Variants in PLEKHG4B observed in about 807,000 individuals in gnomAD.
PLEKHG4B encodes the protein pleckstrin homology domain-containing family G member 4B.
PLEKHG4B carries 111 observed loss-of-function variants against 121.3 expected under a neutral mutation model. That is an observed-to-expected ratio of 0.92 (90% CI 0.78 to 1.07). The LOEUF (loss-of-function observed/expected upper bound fraction) is 1.07, where lower values mean the gene tolerates loss of function less well. PLEKHG4B is among the 50% of genes least tolerant of loss of function. The pLI is 0.00. For missense variants in PLEKHG4B, 1,831 were observed against 1,757.8 expected (o/e 1.04, Z -0.74); for synonymous variants, 738 against 725.0 (o/e 1.02, Z -0.29).
At chr5:106,100 T>C (rs1733967961) in intron 1 of PLEKHG4B, among the ~76,000 whole-genome samples, 1 of 152,246 alleles carries the variant, frequency 6.6e-6, no homozygotes. Flanking sequence ...TAAGGTCATA[T>C]TCAGCATAAA....
rs960738976 is a variant in PLEKHG4B, at chr5:159,750, C to G, written c.2488-2033C>G. ...TCTAATCCCGGCCTGAAAGGAGAGC[C>G]TGGCCGTAGCTCAGTGTTCACCTGC... On this transcript the variant is annotated intron_variant, in intron 11 of 19. Transcript: ENST00000637938. The surrounding 1 kb of genome is among the most constrained non-coding windows in gnomAD (Gnocchi z 5.5). Among the ~76,000 whole-genome samples, 3 of 152,190 alleles carry G rather than the reference C, an allele frequency of 2.0e-5. No homozygotes were observed. The highest frequency in any genetic ancestry group is 4.4e-5 in the Non-Finnish European group (3 of 68,032).
rs908255062 is a variant in PLEKHG4B, at chr5:189,631, C to T, written c.*7308C>T. On this transcript the variant is annotated 3_prime_UTR_variant, in exon 20 of 20. Coordinates refer to ENST00000637938, the MANE Select transcript of PLEKHG4B (RefSeq NM_052909.5). ...AGAGCTGGGCCTGAGTCTGACCCAA[C>T]CTGTGCTGAGTGGTCCTGCTGGAAT... The T allele has an allele frequency of 6.6e-6, 1 of 152,262 alleles. No individual in the cohort carries two copies. Among genetic ancestry groups the T allele is most frequent in the African/African-American group, 2.4e-5 (1 of 41,458 alleles). The allele number at this position is 152,262 out of a possible 1,614,324, so 9.4% of individuals were successfully genotyped here.
intron 2 of PLEKHG4B, among the ~76,000 whole-genome samples, chr5:135,572 A>G (rs974489434): frequency 9.4e-5 from 14 of 148,358 alleles, no homozygotes; most frequent in Non-Finnish European, 3.0e-5. Flanking sequence ...AGGCTGAGGC[A>G]GGAGAATGGC....
At chr5:160,656 T>G (rs1451683748) in intron 11 of PLEKHG4B, among the ~76,000 whole-genome samples, 1 of 152,244 alleles carries the variant, frequency 6.6e-6, no homozygotes, top group Non-Finnish European at 1.5e-5. Flanking sequence ...TCATTTGCCC[T>G]CTAGCTTTGC....
chr5:99,245 C>T (rs1364985610), intron 1 of PLEKHG4B, among the ~76,000 whole-genome samples: 1 of 132,382 alleles, frequency 7.6e-6, no homozygotes, highest in Non-Finnish European at 1.6e-5. Context: ...CAATTCTATG[C>T]GAATTTGAGG....
chr5:148,403 AAC>A (rs1735500787), intron 6 of PLEKHG4B, among the ~76,000 whole-genome samples: 1 of 152,198 alleles, frequency 6.6e-6, no homozygotes, highest in Admixed American at 6.5e-5. Flanking sequence ...ATGCAAAGTC[AAC>A]ACACAAATAT....
At chr5:179,156 T>C (rs1437891448) in intron 18 of PLEKHG4B, among the ~76,000 whole-genome samples, 1 of 152,216 alleles carries the variant, frequency 6.6e-6, no homozygotes, top group East Asian at 1.9e-4. Flanking sequence ...CTTGGAACTT[T>C]TGGTGTTCTT....
At chr5:106,074 A>G (rs1259809005) in intron 1 of PLEKHG4B, among the ~76,000 whole-genome samples, 1 of 152,252 alleles carries the variant, frequency 6.6e-6, no homozygotes, top group East Asian at 1.9e-4. Flanking sequence ...GGAATGAACA[A>G]ACCCTTACTT....
At chr5:127,534 C>G (rs1015178936) in intron 2 of PLEKHG4B, among the ~76,000 whole-genome samples, 13 of 151,736 alleles carry the variant, frequency 8.6e-5, no homozygotes, top group Middle Eastern at 3.4e-3. Flanking sequence ...ATGTCTGGCT[C>G]ACAAAAGGGG....
Position 154,943 on chromosome 5 carries a change from C to T in PLEKHG4B, c.2061C>T (p.Leu687=), listed in dbSNP as rs141380436. 10 of 1,613,722 alleles carry T rather than the reference C, an allele frequency of 6.2e-6. No homozygotes were observed. The highest frequency in any genetic ancestry group is 3.3e-5 in the Admixed American group (2 of 60,020). Reference sequence around the variant, plus strand: ...ACAGCTGCCAGCTGACCGCAGACCTCGACGGCTCCTTTCCCTACAGCCATG... The same window carrying T: ...ACAGCTGCCAGCTGACCGCAGACCTTGACGGCTCCTTTCCCTACAGCCATG... ...FVDSCQLTAD[L]DGSFPYSHGD... The change falls in exon 8 of 20, where the codon CTC becomes CTT. Residue 687 remains leucine, a synonymous_variant. Transcript: ENST00000637938.
chr5:167,560 G>A (rs1391987427), intron 13 of PLEKHG4B, among the ~76,000 whole-genome samples: 1 of 152,190 alleles, frequency 6.6e-6, no homozygotes, highest in African/African-American at 2.4e-5. Context: ...CATTAGGGCA[G>A]GGCCCCCGGC....
intron 1 of PLEKHG4B, among the ~76,000 whole-genome samples, chr5:98,603 TTGTGTGTGTGTGTG>T (rs35724214): frequency 1.6e-3 from 178 of 111,590 alleles, no homozygotes; most frequent in African/African-American, 5.8e-3. Context: ...CCTGGCTAAT[TTGTGTGTGTGTGTG>T]TGTGTGTGTG....
chr5:115,409 T>A (rs1734276529), intron 2 of PLEKHG4B, among the ~76,000 whole-genome samples: 1 of 151,946 alleles, frequency 6.6e-6, no homozygotes, highest in African/African-American at 2.4e-5. Flanking sequence ...CCCTGGGAGG[T>A]TCAGAATGGT....
chr5:101,235 C>T (rs77366739), intron 1 of PLEKHG4B, among the ~76,000 whole-genome samples: 41 of 116,098 alleles, frequency 3.5e-4, no homozygotes, highest in African/African-American at 5.2e-4. Context: ...CATATAAAGC[C>T]CTGGAAAAAG....
At chr5:149,561 C>T (rs1026152249) in intron 6 of PLEKHG4B, among the ~76,000 whole-genome samples, 18 of 151,152 alleles carry the variant, frequency 1.2e-4, no homozygotes, top group African/African-American at 4.4e-4. Context: ...AATAAGAAGA[C>T]GCTATCAACA....
At chr5:151,783 A>T (rs1223699463) in intron 7 of PLEKHG4B, among the ~76,000 whole-genome samples, 184 bp downstream of exon 7, 1 of 152,230 alleles carries the variant, frequency 6.6e-6, no homozygotes, top group Non-Finnish European at 1.5e-5. Context: ...TGAAAAACTT[A>T]AAAATGTGAC....
chr5:134,084 T>TATATATATATATATGATAGA (rs1734868055), intron 2 of PLEKHG4B, among the ~76,000 whole-genome samples: 1 of 73,288 alleles, frequency 1.4e-5, no homozygotes, highest in South Asian at 4.1e-4. Flanking sequence ...AGAATATATA[T>TATATATATATATATGATAGA]ATATATATAT....
At chr5:98,603 TTGTGTGTGTGTGTGTGTGTGTGTG>T (rs35724214) in intron 1 of PLEKHG4B, among the ~76,000 whole-genome samples, 1 of 111,544 alleles carries the variant, frequency 9.0e-6, no homozygotes, top group East Asian at 2.7e-4. Context: ...CCTGGCTAAT[TTGTGTGTGTGTGTGTGTGTGTGTG>T]TGTGTGTGTG....
rs760173196 is a variant in PLEKHG4B, at chr5:174,053, G to A, written c.4357G>A (p.Asp1453Asn). 46 of 1,597,818 alleles carry A rather than the reference G, an allele frequency of 2.9e-5. No homozygotes were observed. Among genetic ancestry groups the A allele is most frequent in the African/African-American group, 9.4e-5 (7 of 74,390 alleles). The part of the protein sequence containing the change: ...SSAEVKSAWT[D>N]VIGRILWRQA... ...GGCAGAGGTCAAGAGTGCATGGACC[G>A]ATGTCATAGGGAGGATCCTGTGGCG... The change falls in exon 18 of 20, where the codon GAT (aspartate) becomes AAT (asparagine). Residue 1453 changes from aspartate to asparagine, a missense_variant. Physicochemically the swap from Asp to Asn is conservative, Grantham distance 23. Coordinates refer to ENST00000637938, the MANE Select transcript of PLEKHG4B (RefSeq NM_052909.5).
Sources: allele counts gnomAD v4.1 joint callset (sites outside exome capture counted in the v4.1 genomes callset), GRCh38; gene constraint gnomAD v4.1.1; non-coding constraint Gnocchi (gnomAD v3.1); transcripts MANE v1.5; gene names NCBI Gene and HGNC (gene_info 2026-07-23, HGNC 2026-07-21).